HIVEP1: variants seen among roughly 807,000 people sequenced by gnomAD.
HIVEP1 encodes HIVEP zinc finger 1.
HIVEP1 carries 36 observed loss-of-function variants against 180.0 expected under a neutral mutation model. The observed-to-expected ratio is 0.20, with a 90% CI of 0.15 to 0.26. The LOEUF is 0.26. Ranked by LOEUF, HIVEP1 falls within the 10% of genes least tolerant of loss-of-function variation. The pLI, the probability that HIVEP1 is intolerant of heterozygous loss-of-function variation, is 1.00. For synonymous variants in HIVEP1, 1,239 were observed against 1,239.0 expected, an observed-to-expected ratio of 1.00 and a Z score of 0.00; for missense variants, 3,143 against 3,268.7, an observed-to-expected ratio of 0.96 and a Z score of 0.94.
In HIVEP1 at chr6:12,124,871, T is replaced by C; in HGVS notation, c.5076T>C (p.Gly1692=). Reference sequence around the variant, plus strand: ...ATTCTGTGCCAACATTACAAAAAGGTCATCAGAATGCTTTGCCAAACCCAG... The same window carrying C: ...ATTCTGTGCCAACATTACAAAAAGGCCATCAGAATGCTTTGCCAAACCCAG... The part of the protein sequence containing the change: ...EQNSVPTLQK[G]HQNALPNPEK... The change falls in exon 4 of 9, where the codon GGT becomes GGC. Residue 1692 remains glycine, a synonymous_variant. Coordinates refer to ENST00000379388, the MANE Select transcript of HIVEP1 (RefSeq NM_002114.4). 1 of 1,614,148 alleles carries C rather than the reference T, an allele frequency of 6.2e-7. No individual in the cohort carries two copies. The highest frequency in any genetic ancestry group is 1.1e-5 in the South Asian group (1 of 91,078).
intron 2 of HIVEP1, among the ~76,000 whole-genome samples, chr6:12,051,331 AT>A (rs1770526267): frequency 6.6e-6 from 1 of 151,816 alleles, no homozygotes; most frequent in Admixed American, 6.6e-5. Context: ...GTCACATTTT[AT>A]TTTTGATTTT....
chr6:12,072,676 A>G (rs1386877526), intron 2 of HIVEP1, among the ~76,000 whole-genome samples: 1 of 151,946 alleles, frequency 6.6e-6, no homozygotes, highest in Non-Finnish European at 1.5e-5. Context: ...CGTTGGTTGG[A>G]TAATTTTTGT....
chr6:12,168,225 T>TATACATATATACATATATACA (rs371343189), downstream of HIVEP1, among the ~76,000 whole-genome samples: 2 of 100,830 alleles, frequency 2.0e-5, no homozygotes, highest in Non-Finnish European at 3.7e-5. Flanking sequence ...TATACATATA[T>TATACATATATACATATATACA]TATATACATA....
chr6:12,168,045 A>G (rs1391501263), downstream of HIVEP1, among the ~76,000 whole-genome samples: 58 of 42,424 alleles, frequency 1.4e-3, 10 homozygotes, highest in African/African-American at 3.2e-3. Flanking sequence ...ATATATACAT[A>G]TACATATGTG....
chr6:12,012,866 C>T (rs1174630329), intron 1 of HIVEP1: 1 of 153,296 alleles, frequency 6.5e-6, no homozygotes, highest in Non-Finnish European at 1.5e-5. Flanking sequence ...GTGAAAGAGA[C>T]CAGGCCTCGG....
At chr6:12,106,510 T>C (rs899196934) in intron 3 of HIVEP1, among the ~76,000 whole-genome samples, 2 of 152,138 alleles carry the variant, frequency 1.3e-5, no homozygotes, top group African/African-American at 2.4e-5. Flanking sequence ...AGTCGAAGAA[T>C]ATTTTCCATT....
At chr6:12,108,970 TTTTTTA>T (rs1561947639) in intron 3 of HIVEP1, among the ~76,000 whole-genome samples, 3 of 152,126 alleles carry the variant, frequency 2.0e-5, no homozygotes, top group Non-Finnish European at 2.9e-5. Flanking sequence ...TTTCTTTTTA[TTTTTTA>T]TTTTTATTTT....
chr6:12,167,368 A>G (rs995486261), downstream of HIVEP1, among the ~76,000 whole-genome samples: 3 of 151,792 alleles, frequency 2.0e-5, no homozygotes, highest in African/African-American at 7.3e-5. Flanking sequence ...GTCAACTTCA[A>G]ATAATACCAG....
At chr6:12,016,931 G>A (rs1170460427) in intron 2 of HIVEP1, among the ~76,000 whole-genome samples, 1 of 152,180 alleles carries the variant, frequency 6.6e-6, no homozygotes, top group African/African-American at 2.4e-5. Context: ...TCTGTCCAGG[G>A]AGGGCACCCT....
chr6:12,068,665 A>G (rs1462898026), intron 2 of HIVEP1, among the ~76,000 whole-genome samples: 1 of 152,184 alleles, frequency 6.6e-6, no homozygotes, highest in African/African-American at 2.4e-5. Context: ...CGTCACACAT[A>G]TATGTAATAT....
At chr6:12,112,395 AT>A (rs1198256353) in intron 3 of HIVEP1, among the ~76,000 whole-genome samples, 3 of 150,146 alleles carry the variant, frequency 2.0e-5, no homozygotes, top group South Asian at 2.1e-4. Context: ...TTTTCTCAGT[AT>A]TTTTTTTATT....
At chr6:12,058,078 ATG>A (rs1415005905) in intron 2 of HIVEP1, among the ~76,000 whole-genome samples, 34 of 152,202 alleles carry the variant, frequency 2.2e-4, no homozygotes, top group African/African-American at 7.2e-4. Context: ...TGAGGCCAGC[ATG>A]TTGAGTTGTC....
At chr6:12,092,849 A>T (rs751166118) in intron 3 of HIVEP1, among the ~76,000 whole-genome samples, 4 of 152,234 alleles carry the variant, frequency 2.6e-5, no homozygotes, top group Admixed American at 1.3e-4. Context: ...TCAGAACCAG[A>T]AGAGGTTCAG....
rs761072884 is a variant in HIVEP1 at position 12,106,171 on chromosome 6, AAT to A, written c.95-13716_95-13715del. On this transcript the variant is annotated intron_variant, in intron 3 of 8. Coordinates refer to ENST00000379388, the MANE Select transcript of HIVEP1 (RefSeq NM_002114.4). ...TGAGAAAATATTGTCTTAACCATTT[AAT>A]ATCTTTTCCATGAAGCTGTCTTTAC... Among the ~76,000 whole-genome samples the A allele has an allele frequency of 6.1e-4, 93 of 151,916 alleles. 1 individual carries two copies. The highest frequency in any genetic ancestry group is 2.9e-5 in the Non-Finnish European group (2 of 67,934).
chr6:12,143,220 G>C (rs1319095397), intron 7 of HIVEP1, among the ~76,000 whole-genome samples: 2 of 152,182 alleles, frequency 1.3e-5, no homozygotes, highest in African/African-American at 4.8e-5. Flanking sequence ...GGGATGCAAG[G>C]CTGGTTCAAC....
At chr6:12,157,703 A>G (rs980925947) in intron 7 of HIVEP1, among the ~76,000 whole-genome samples, 4 of 151,866 alleles carry the variant, frequency 2.6e-5, no homozygotes, top group Admixed American at 6.6e-5. Flanking sequence ...CATTTATTCT[A>G]TTTTCACTGC....
At chr6:12,196,001 G>C in the HIVEP1 span, among the ~76,000 whole-genome samples, 1 of 152,144 alleles carries the variant, frequency 6.6e-6, no homozygotes, top group African/African-American at 2.4e-5. Flanking sequence ...CATTTGATAA[G>C]GTCTTTTGTA....
At chr6:12,167,172 A>T (rs1049350487), downstream of HIVEP1, among the ~76,000 whole-genome samples, 9 of 152,120 alleles carry the variant, frequency 5.9e-5, no homozygotes, top group Non-Finnish European at 1.3e-4. Flanking sequence ...TATAAGTAAC[A>T]CGTTTCTTAC....
rs777582251 is a variant in HIVEP1 at position 12,123,396 on chromosome 6, G to T, written c.3601G>T (p.Ala1201Ser). Residue 1201 changes from alanine (A) to serine (S), a missense_variant, in exon 4 of 9, where the codon GCT becomes TCT. Coordinates refer to ENST00000379388, the MANE Select transcript of HIVEP1 (RefSeq NM_002114.4). ...TCCTCACCAGCTTGCACTATCAGAC[G>T]CTCTCAGAGGAGAACTTCAGGAAAG... ...SHPHQLALSD[A>S]LRGELQESSR... 7.4e-6 allele frequency: 12 copies of T among 1,614,030 alleles called. No homozygotes were observed. In the African/African-American group the frequency reaches 1.6e-4, roughly 22 times the overall value.
Sources: allele counts gnomAD v4.1 joint callset (sites outside exome capture counted in the v4.1 genomes callset), GRCh38; gene constraint gnomAD v4.1.1; transcripts MANE v1.5; gene names NCBI Gene and HGNC (gene_info 2026-07-23, HGNC 2026-07-21).